Variants in SYN2 observed in about 807,000 individuals in gnomAD.
The protein encoded by SYN2 is synapsin II.
A neutral mutation model predicts 50.9 loss-of-function variants in SYN2; 19 were observed. That is an observed-to-expected ratio of 0.37 (90% CI 0.26 to 0.55). SYN2 has a LOEUF of 0.55. Among genes scored for constraint, SYN2 ranks in the 20% least tolerant of loss-of-function variants. SYN2 has a pLI of 0.81. For missense variants in SYN2, 587 were observed against 576.4 expected, an observed-to-expected ratio of 1.02 and a Z score of -0.19; for synonymous variants, 255 against 224.9, an observed-to-expected ratio of 1.13 and a Z score of -1.20.
At chr3:12,008,048 G>T (rs1007204373) in intron 1 of SYN2, among the ~76,000 whole-genome samples, 11 of 152,144 alleles carry the variant, frequency 7.2e-5, no homozygotes, top group African/African-American at 2.7e-4. Flanking sequence ...TAAGGTTCAT[G>T]GCTAAATTTG....
intron 1 of SYN2, among the ~76,000 whole-genome samples, chr3:12,085,208 A>G (rs891207662): frequency 2.0e-5 from 3 of 152,154 alleles, no homozygotes; most frequent in African/African-American, 7.2e-5. Context: ...ATGCCATGCA[A>G]AGGAGCAGGA....
chr3:12,170,476 A>G (rs945529605), intron 10 of SYN2, among the ~76,000 whole-genome samples: 3 of 152,222 alleles, frequency 2.0e-5, no homozygotes, highest in African/African-American at 7.2e-5. Context: ...CTCATGGCCA[A>G]TCACACTCAT....
At chr3:12,110,266 G>A (rs1303182618) in intron 1 of SYN2, among the ~76,000 whole-genome samples, 3 of 152,168 alleles carry the variant, frequency 2.0e-5, no homozygotes, top group African/African-American at 7.2e-5. Context: ...CTCACATCCG[G>A]ATCACATGGA....
intron 1 of SYN2, among the ~76,000 whole-genome samples, chr3:12,065,176 G>C (rs958748378): frequency 6.6e-6 from 1 of 152,076 alleles, no homozygotes; most frequent in East Asian, 1.9e-4. Flanking sequence ...ATTCAGAATG[G>C]CTATTAAGAA....
intron 1 of SYN2, chr3:12,071,244 G>T: frequency 1.8e-6 from 1 of 555,944 alleles, no homozygotes; most frequent in Non-Finnish European, 3.6e-6. Context: ...CAGAGCGCAA[G>T]TACTCTGTGT....
intron 5 of SYN2, chr3:12,158,537 G>A (rs1697528777): frequency 1.0e-6 from 1 of 1,000,152 alleles, no homozygotes; most frequent in Non-Finnish European, 1.4e-6. Flanking sequence ...GGGCTTGCAA[G>A]GTTGCTATGG....
At chr3:12,162,718 T>A (rs1282264825) in intron 7 of SYN2, among the ~76,000 whole-genome samples, 7 of 152,142 alleles carry the variant, frequency 4.6e-5, no homozygotes, top group African/African-American at 1.7e-4. Flanking sequence ...AGCACAAAGT[T>A]AAAAAGTTCC....
intron 1 of SYN2, among the ~76,000 whole-genome samples, chr3:12,128,967 C>G (rs1056405931): frequency 6.6e-6 from 1 of 151,932 alleles, no homozygotes; most frequent in East Asian, 1.9e-4. Flanking sequence ...ACCACAAGGT[C>G]GCTATTCTCA....
intron 1 of SYN2, among the ~76,000 whole-genome samples, chr3:12,108,128 T>C (rs1696237389): frequency 6.6e-6 from 1 of 152,150 alleles, no homozygotes; most frequent in South Asian, 2.1e-4. Flanking sequence ...GAGAATTGCC[T>C]GAGCCCAAGA....
chr3:12,109,202 A>G (rs1039804147), intron 1 of SYN2, among the ~76,000 whole-genome samples: 2 of 152,240 alleles, frequency 1.3e-5, no homozygotes, highest in Non-Finnish European at 2.9e-5. Context: ...CACAGATGAC[A>G]CAGTGCTAAA....
intron 1 of SYN2, among the ~76,000 whole-genome samples, chr3:12,081,184 A>G (rs978857166): frequency 6.6e-6 from 1 of 152,200 alleles, no homozygotes; most frequent in Non-Finnish European, 1.5e-5. Context: ...CATTGAATAA[A>G]CAAGTGAAAA....
intron 1 of SYN2, among the ~76,000 whole-genome samples, chr3:12,054,833 AT>A (rs1694953120): frequency 6.6e-6 from 1 of 152,156 alleles, no homozygotes; most frequent in Admixed American, 6.5e-5. Context: ...GAAATTAGAT[AT>A]TCAAAAATGA....
chr3:12,190,517 C>T lies in SYN2; in HGVS notation c.1641C>T (p.Phe547=). ...AGTCGCAGTCCCTGACAAATGCCTTCAGCTTCTCTGAGTCCTCCTTCTTCC... is the reference window on the plus strand; with the variant it reads ...AGTCGCAGTCCCTGACAAATGCCTTTAGCTTCTCTGAGTCCTCCTTCTTCC... ...LNKSQSLTNA[F]SFSESSFFRS... is the part of the protein sequence containing the mutation. Residue 547 remains phenylalanine, a synonymous_variant, in exon 13 of 13, where the codon TTC becomes TTT. Transcript: ENST00000621198. The T allele has an allele frequency of 1.2e-6, 2 of 1,613,884 alleles. No individual in the cohort carries two copies. Among genetic ancestry groups the T allele is most frequent in the Non-Finnish European group, 1.7e-6 (2 of 1,179,860 alleles).
intron 1 of SYN2, chr3:12,070,166 G>T (rs551816488): frequency 2.3e-4 from 76 of 323,502 alleles, no homozygotes; most frequent in Admixed American, 1.1e-3. Flanking sequence ...AGTCGCTGCC[G>T]CCAGCCCGTG....
intron 7 of SYN2, among the ~76,000 whole-genome samples, chr3:12,162,525 GT>G (rs1697679143): frequency 6.6e-6 from 1 of 152,174 alleles, no homozygotes; most frequent in Non-Finnish European, 1.5e-5. Context: ...AATGGTACTT[GT>G]TAGGCTTGCC....
At chr3:12,177,129 T>A (rs1698092291) in intron 10 of SYN2, among the ~76,000 whole-genome samples, 1 of 152,222 alleles carries the variant, frequency 6.6e-6, no homozygotes, top group Non-Finnish European at 1.5e-5. Context: ...CTCTGGTGTC[T>A]GGTGGGACAT....
intron 10 of SYN2, among the ~76,000 whole-genome samples, chr3:12,174,824 A>C (rs1698026534): frequency 1.3e-5 from 2 of 152,096 alleles, no homozygotes; most frequent in Admixed American, 1.3e-4. Flanking sequence ...TTCCTCAACT[A>C]TCCAATCCAA....
At chr3:12,140,503 T>A (rs1696989583) in intron 1 of SYN2, 148 bp from the exon 2 acceptor site, 1 of 675,854 alleles carries the variant, frequency 1.5e-6, no homozygotes, top group South Asian at 1.6e-5. Flanking sequence ...CTTGTGGTGA[T>A]CTCATAGCAG....
chr3:12,085,379 A>G (rs1559413828), intron 1 of SYN2, among the ~76,000 whole-genome samples: 1 of 130,658 alleles, frequency 7.7e-6, no homozygotes, highest in African/African-American at 2.7e-5. Context: ...ACACACACAC[A>G]CGCACGCACG....
Sources: gnomAD v4.1 joint callset for allele counts (sites outside exome capture counted in the v4.1 genomes callset) on GRCh38, gnomAD v4.1.1 for gene constraint, MANE v1.5 for transcripts, NCBI Gene and HGNC (gene_info 2026-07-23, HGNC 2026-07-21) for gene names.